DELE1: variants seen among roughly 807,000 people sequenced by gnomAD.
The protein encoded by DELE1 is DAP3 binding cell death enhancer 1, also known as death ligand signal enhancer.
DELE1 carries 54 observed loss-of-function variants against 59.3 expected under a neutral mutation model. The observed-to-expected ratio is 0.91, with a 90% CI of 0.73 to 1.14. The LOEUF (loss-of-function observed/expected upper bound fraction) is 1.14, where lower values mean the gene tolerates loss of function less well. Among genes scored for constraint, DELE1 ranks in the 50% most tolerant of loss-of-function variants. DELE1 has a pLI of 0.00. For missense variants in DELE1, 636 were observed against 643.9 expected (o/e 0.99, Z 0.13); for synonymous variants, 264 against 259.1 (o/e 1.02, Z -0.18).
chr5:141,930,063 A>T lies in DELE1; in HGVS notation c.646A>T (p.Thr216Ser), dbSNP rs762472760. Reference protein sequence around the residue: ...SEAKPAQPQPTGEKEQDKSKT... With the variant: ...SEAKPAQPQPSGEKEQDKSKT... ...GGCAAAACCAGCCCAGCCTCAGCCC[A>T]CTGGTGAAAAGGTATTATCCAGATT... The change falls in exon 6 of 12, where the codon ACT (threonine) becomes TCT (serine). Residue 216 changes from threonine (T) to serine (S), a missense_variant. Coordinates refer to ENST00000432126, the MANE Select transcript of DELE1 (RefSeq NM_014773.5). 6.2e-7 allele frequency: 1 copy of T among 1,614,164 alleles called. No homozygotes were observed. Among genetic ancestry groups the T allele is most frequent in the Non-Finnish European group, 8.5e-7 (1 of 1,180,004 alleles).
intron 5 of DELE1, 21 bp from the exon 6 acceptor site, chr5:141,929,968 G>A: frequency 6.2e-7 from 1 of 1,610,076 alleles, no homozygotes; most frequent in South Asian, 1.1e-5. Flanking sequence ...CCCTGGCCGG[G>A]TGTCGGCCTT....
chr5:141,926,167 C>T (rs910945341), intron 3 of DELE1, among the ~76,000 whole-genome samples: 15 of 152,144 alleles, frequency 9.9e-5, no homozygotes, highest in South Asian at 2.1e-4. Flanking sequence ...TGTGAGCCAC[C>T]GCGCCCGGCC....
At position 141,940,484 on chromosome 5, in the gene DELE1, C is replaced by T; in HGVS notation, c.*1725C>T. 1 of 985,390 alleles carries T rather than the reference C, an allele frequency of 1.0e-6. No individual in the cohort carries two copies. The highest frequency in any genetic ancestry group is 1.2e-6 in the Non-Finnish European group (1 of 829,980). 61.0% of individuals were successfully genotyped at this position (985,390 alleles called of 1,614,324 possible). A position where few individuals can be genotyped will look rare whatever the true frequency, so the allele number is the denominator to read the frequency against. On this transcript the variant is annotated 3_prime_UTR_variant, in exon 12 of 12. Coordinates refer to ENST00000432126, the MANE Select transcript of DELE1 (RefSeq NM_014773.5). ...ACTGAGTGGAGACCAACCAGCCTGGCCAATTCAAAGGCAAGAAGATTTGAG... is the reference window on the plus strand; with the variant it reads ...ACTGAGTGGAGACCAACCAGCCTGGTCAATTCAAAGGCAAGAAGATTTGAG...
At chr5:141,924,345 T>C (rs183157028) in intron 1 of DELE1, among the ~76,000 whole-genome samples, 1 of 152,180 alleles carries the variant, frequency 6.6e-6, no homozygotes, top group Non-Finnish European at 1.5e-5. Context: ...CGTTTGGTCA[T>C]CTTAGAACAG....
rs768419772 is a variant in DELE1, at chr5:141,941,637, C to T, written c.*2878C>T. 2.1e-4 allele frequency: 210 copies of T among 985,284 alleles called. No homozygotes were observed. Among genetic ancestry groups the T allele is most frequent in the Non-Finnish European group, 2.3e-4 (195 of 829,952 alleles). The allele number at this position is 985,284 out of a possible 1,614,324, so 61.0% of individuals were successfully genotyped here. ...AGGATGCTGGGTTAAAGCCCGGCGCCCTCACCAATGAGACCTTTGTGGGAA... is the reference window on the plus strand; with the variant it reads ...AGGATGCTGGGTTAAAGCCCGGCGCTCTCACCAATGAGACCTTTGTGGGAA... On this transcript the variant is annotated 3_prime_UTR_variant, in exon 12 of 12. Coordinates refer to ENST00000432126, the MANE Select transcript of DELE1 (RefSeq NM_014773.5).
intron 10 of DELE1, 32 bp from the exon 11 acceptor site, chr5:141,937,166 T>C (rs1278877973): frequency 6.2e-7 from 1 of 1,612,762 alleles, no homozygotes; most frequent in Non-Finnish European, 8.5e-7. Context: ...CCTGCATGTG[T>C]GTATCTGTTT....
Position 141,941,677 on chromosome 5 carries a change from G to GT in DELE1, c.*2921dup. ...CTTTGTGGGAAGCTCTACTGCCTCA[G>GT]TTTCCCTATCCGGAGATGCTGTTTT... On this transcript the variant is annotated 3_prime_UTR_variant, in exon 12 of 12. Transcript: ENST00000432126. 1.0e-6 allele frequency: 1 copy of GT among 985,410 alleles called. No individual in the cohort carries two copies. Among genetic ancestry groups the GT allele is most frequent in the South Asian group, 4.7e-5 (1 of 21,282 alleles). The allele number at this position is 985,410 out of a possible 1,614,324, so 61.0% of individuals were successfully genotyped here.
Position 141,933,487 on chromosome 5 carries a change from A to T in DELE1, c.897+86A>T, listed in dbSNP as rs564155257. ...TGAGCAGTGGGCAGGGATGGGGGAA[A>T]GTTTGGCTTCTTTTCTCCACTTGGT... On this transcript the variant is annotated intron_variant, in intron 8 of 11. Transcript: ENST00000432126. 1.2e-5 allele frequency: 13 copies of T among 1,119,476 alleles called. No homozygotes were observed. The African/African-American group carries it at 1.6e-4, about 14-fold the overall frequency. 69.3% of individuals were successfully genotyped at this position (1,119,476 alleles called of 1,614,324 possible).
chr5:141,934,007 G>A, intron 8 of DELE1: 2 of 363,556 alleles, frequency 5.5e-6, no homozygotes, highest in Non-Finnish European at 9.8e-6. Flanking sequence ...GAAGATATTT[G>A]CAAGGCTGTA....
At position 141,934,268 on chromosome 5, in the gene DELE1, G is replaced by T; in HGVS notation, c.926G>T (p.Ser309Ile). 3 of 1,612,426 alleles carry T rather than the reference G, an allele frequency of 1.9e-6. No homozygotes were observed. Among genetic ancestry groups the T allele is most frequent in the Non-Finnish European group, 1.7e-6 (2 of 1,178,900 alleles). The change falls in exon 9 of 12, where the codon AGC becomes ATC. Residue 309 changes from serine to isoleucine, a missense_variant. By Grantham distance (142) the Ser-to-Ile change is moderately radical. Coordinates refer to ENST00000432126, the MANE Select transcript of DELE1 (RefSeq NM_014773.5). ...GTCCTTTATTATCAGTTGGCTGCCA[G>T]CCAGGGCCACAGCCTGGCTCAGTAC... The part of the protein sequence containing the change: ...KAVLYYQLAA[S>I]QGHSLAQYRY...
chr5:141,942,023 C>G lies in DELE1; in HGVS notation c.*3264C>G. 1 of 985,400 alleles carries G rather than the reference C, an allele frequency of 1.0e-6. No homozygotes were observed. Among genetic ancestry groups the G allele is most frequent in the Non-Finnish European group, 1.2e-6 (1 of 829,928 alleles). The allele number at this position is 985,400 out of a possible 1,614,324, so 61.0% of individuals were successfully genotyped here. A position where few individuals can be genotyped will look rare whatever the true frequency, so the allele number is the denominator to read the frequency against. On this transcript the variant is annotated 3_prime_UTR_variant, in exon 12 of 12. Coordinates refer to ENST00000432126, the MANE Select transcript of DELE1 (RefSeq NM_014773.5). ...CTACTTCTGGCACTTAGTAATTATTCAATAAACACAAAATGTTTGTTGCAT... is the reference window on the plus strand; with the variant it reads ...CTACTTCTGGCACTTAGTAATTATTGAATAAACACAAAATGTTTGTTGCAT...
At chr5:141,924,794 C>T (rs1397621476) in intron 2 of DELE1, 99 bp downstream of exon 2, 7 of 768,548 alleles carry the variant, frequency 9.1e-6, no homozygotes, top group African/African-American at 3.5e-5. Context: ...CTCATTCTGT[C>T]GCCCAGGCTG....
chr5:141,929,122 A>G (rs1751665813), intron 4 of DELE1, among the ~76,000 whole-genome samples: 1 of 152,170 alleles, frequency 6.6e-6, no homozygotes, highest in Non-Finnish European at 1.5e-5. Flanking sequence ...GAAGCCAAGG[A>G]AACAGAGGAG....
At chr5:141,934,759 G>T (rs1752228136) in intron 10 of DELE1, 173 bp downstream of exon 10, 1 of 632,420 alleles carries the variant, frequency 1.6e-6, no homozygotes, top group Non-Finnish European at 2.8e-6. Flanking sequence ...AGTTGCAGTA[G>T]TACGCCAGAG....
chr5:141,937,047 A>G, intron 10 of DELE1, 151 bp from the exon 11 acceptor site: 1 of 1,504,330 alleles, frequency 6.6e-7, no homozygotes. Flanking sequence ...TTCGTAGTTG[A>G]GATCCCTTGC....
At chr5:141,925,596 C>T (rs575950421) in intron 3 of DELE1, 69 bp downstream of exon 3, 6 of 913,128 alleles carry the variant, frequency 6.6e-6, no homozygotes, top group Middle Eastern at 2.3e-4. Context: ...GGTATACAGC[C>T]GAACCTGGAA....
chr5:141,928,087 T>C (rs1751564235), intron 3 of DELE1, 64 bp from the exon 4 acceptor site: 1 of 1,533,522 alleles, frequency 6.5e-7, no homozygotes. Flanking sequence ...TGTTTGAGAA[T>C]AAGGCCGGGT....
chr5:141,935,801 C>T (rs1752302795), intron 10 of DELE1, among the ~76,000 whole-genome samples: 1 of 152,266 alleles, frequency 6.6e-6, no homozygotes, highest in Admixed American at 6.5e-5. Context: ...TATCTGTCAC[C>T]TGCTATATGA....
intron 7 of DELE1, chr5:141,931,206 C>T (rs1751880300): frequency 1.3e-5 from 2 of 152,146 alleles, no homozygotes; most frequent in South Asian, 4.1e-4. Flanking sequence ...AAAGAGCTTT[C>T]CAAGTGGCGG....
Sources: allele counts gnomAD v4.1 joint callset (sites outside exome capture counted in the v4.1 genomes callset), GRCh38; gene constraint gnomAD v4.1.1; transcripts MANE v1.5; gene names NCBI Gene and HGNC (gene_info 2026-07-23, HGNC 2026-07-21).